Variants in SHISA9 observed in about 807,000 individuals in gnomAD.
The protein encoded by SHISA9 is shisa family member 9, also known as protein shisa-9.
SHISA9 carries 13 observed loss-of-function variants against 38.0 expected under a neutral mutation model. That is an observed-to-expected ratio of 0.34 (90% CI 0.22 to 0.54). The LOEUF (loss-of-function observed/expected upper bound fraction) is 0.54. Among genes scored for constraint, SHISA9 ranks in the 20% least tolerant of loss-of-function variants. The pLI is 0.91. For synonymous variants in SHISA9, 275 were observed against 242.0 expected, an observed-to-expected ratio of 1.14 and a Z score of -1.27; for missense variants, 538 against 575.8, an observed-to-expected ratio of 0.93 and a Z score of 0.67.
the SHISA9 span, among the ~76,000 whole-genome samples, chr16:13,548,322 C>T: frequency 6.6e-6 from 1 of 151,926 alleles, no homozygotes; most frequent in Non-Finnish European, 1.5e-5. Context: ...TGGATAAGAC[C>T]TAAAAAGCAT....
At chr16:13,220,433 G>T (rs2051212226) in intron 4 of SHISA9, among the ~76,000 whole-genome samples, 1 of 152,188 alleles carries the variant, frequency 6.6e-6, no homozygotes, top group Admixed American at 6.5e-5. Context: ...ACGGAACAGA[G>T]TGTAGAGATG....
the SHISA9 span, among the ~76,000 whole-genome samples, chr16:13,469,381 G>GAA: frequency 6.6e-3 from 662 of 99,644 alleles, 3 homozygotes; most frequent in South Asian, 0.01. Flanking sequence ...AAGAAAGAAA[G>GAA]AAAGAAAGAA....
chr16:13,499,767 G>C, the SHISA9 span, among the ~76,000 whole-genome samples: 2 of 152,166 alleles, frequency 1.3e-5, no homozygotes, highest in Admixed American at 6.5e-5. Flanking sequence ...ACCCACGAAA[G>C]GTTTATTCTG....
At chr16:13,338,093 T>C in the SHISA9 span, among the ~76,000 whole-genome samples, 2 of 152,176 alleles carry the variant, frequency 1.3e-5, no homozygotes, top group East Asian at 3.9e-4. Flanking sequence ...TTGGCTGAAG[T>C]GATAAGATGT....
chr16:13,402,740 T>A, the SHISA9 span, among the ~76,000 whole-genome samples: 1 of 152,130 alleles, frequency 6.6e-6, no homozygotes, highest in Non-Finnish European at 1.5e-5. Context: ...AACCCAGGAA[T>A]AATGTTTTAC....
the SHISA9 span, among the ~76,000 whole-genome samples, chr16:13,460,975 G>A: frequency 6.6e-6 from 1 of 152,136 alleles, no homozygotes; most frequent in Admixed American, 6.6e-5. Flanking sequence ...ACCACTTTCA[G>A]CTTTCTACTT....
chr16:13,186,256 GA>G (rs565572328), intron 2 of SHISA9, among the ~76,000 whole-genome samples: 243 of 149,018 alleles, frequency 1.6e-3, no homozygotes, highest in South Asian at 5.3e-3. Context: ...AAATTGTGGG[GA>G]AAAAAATAAC....
the SHISA9 span, among the ~76,000 whole-genome samples, chr16:13,371,947 C>G: frequency 4.6e-5 from 7 of 152,220 alleles, no homozygotes; most frequent in African/African-American, 1.7e-4. Context: ...CTAGGCAACA[C>G]CCGTGCCACC....
rs557234029 is a variant in SHISA9 at position 12,909,397 on chromosome 16, T to C, written c.563+6770T>C. ...TGCAAGAAGAAGTGCTCAGGAACTC[T>C]ATTCAAGTGTTTAAAAGTCAACACA... On this transcript the variant is annotated intron_variant, in intron 1 of 4. Coordinates refer to ENST00000558583, the MANE Select transcript of SHISA9 (RefSeq NM_001145204.3). The C allele has an allele frequency of 7.1e-6, 7 of 985,364 alleles. No homozygotes were observed. The South Asian group carries it at 3.3e-4, about 46-fold the overall frequency. 61.0% of individuals were successfully genotyped at this position (985,364 alleles called of 1,614,324 possible). A position where few individuals can be genotyped will look rare whatever the true frequency, so the allele number is the denominator to read the frequency against.
chr16:13,502,094 G>A, the SHISA9 span, among the ~76,000 whole-genome samples: 13 of 152,246 alleles, frequency 8.5e-5, 1 homozygote, highest in East Asian at 2.3e-3. Context: ...AAATGAATGG[G>A]TGGATGAAAT....
intron 2 of SHISA9, among the ~76,000 whole-genome samples, chr16:13,015,762 G>T (rs62027194): frequency 0.12 from 18,333 of 151,686 alleles, 1,195 homozygotes; most frequent in Middle Eastern, 0.17. Flanking sequence ...CAACACCCTT[G>T]AAATCTGGCG....
the SHISA9 span, among the ~76,000 whole-genome samples, chr16:13,519,911 T>G: frequency 6.6e-6 from 1 of 152,142 alleles, no homozygotes; most frequent in Non-Finnish European, 1.5e-5. Context: ...TGAACTACAA[T>G]TCCAGATGAG....
intron 2 of SHISA9, among the ~76,000 whole-genome samples, chr16:12,924,358 A>G (rs944817930): frequency 2.6e-5 from 4 of 152,196 alleles, no homozygotes; most frequent in African/African-American, 9.6e-5. Flanking sequence ...TGAATATATG[A>G]ATGACTCTTT....
intron 2 of SHISA9, among the ~76,000 whole-genome samples, chr16:12,969,130 C>T (rs962253922): frequency 1.9e-4 from 29 of 148,840 alleles, no homozygotes; most frequent in African/African-American, 7.2e-4. Context: ...GCTCTCTGTC[C>T]TGGGTGACAG....
At chr16:13,335,036 G>T in the SHISA9 span, among the ~76,000 whole-genome samples, 21 of 152,304 alleles carry the variant, frequency 1.4e-4, no homozygotes, top group African/African-American at 4.3e-4. Context: ...CCTGTGAATT[G>T]TTTCCATGTG....
intron 2 of SHISA9, among the ~76,000 whole-genome samples, chr16:13,186,164 T>C (rs2050819946): frequency 6.6e-6 from 1 of 152,072 alleles, no homozygotes; most frequent in Non-Finnish European, 1.5e-5. Flanking sequence ...AATACAATAA[T>C]GCCTGGTTTA....
At chr16:13,096,480 G>A (rs60317953) in intron 2 of SHISA9, among the ~76,000 whole-genome samples, 3,581 of 152,260 alleles carry the variant, frequency 0.024, 144 homozygotes, top group African/African-American at 0.082. Context: ...CCTAGCTGGG[G>A]CTGGGGGCTC....
intron 2 of SHISA9, among the ~76,000 whole-genome samples, chr16:13,178,480 C>G (rs181749369): frequency 1.3e-5 from 2 of 152,118 alleles, no homozygotes; most frequent in African/African-American, 2.4e-5. Context: ...TCCAAGCTCC[C>G]GACACAGCAG....
At chr16:13,478,004 G>A in the SHISA9 span, among the ~76,000 whole-genome samples, 1 of 152,126 alleles carries the variant, frequency 6.6e-6, no homozygotes, top group Admixed American at 6.5e-5. Context: ...GACTGTGTTG[G>A]TTTTCTCTCC....
Sources: gnomAD v4.1 joint callset for allele counts (sites outside exome capture counted in the v4.1 genomes callset) on GRCh38, gnomAD v4.1.1 for gene constraint, MANE v1.5 for transcripts, NCBI Gene and HGNC (gene_info 2026-07-23, HGNC 2026-07-21) for gene names.